CADM2: variants seen among roughly 807,000 people sequenced by gnomAD.
CADM2 encodes immunoglobulin superfamily member 4D.
In CADM2, 12 loss-of-function variants were observed where a neutral mutation model predicts 49.8. The observed-to-expected ratio is 0.24, with a 90% CI of 0.15 to 0.39. CADM2 has a LOEUF of 0.39. Among genes scored for constraint, CADM2 ranks in the 10% least tolerant of loss-of-function variants. The pLI is 1.00. For synonymous variants in CADM2, 214 were observed against 175.4 expected (o/e 1.22, Z -1.74); for missense variants, 378 against 492.3 (o/e 0.77, Z 2.20).
At chr3:85,637,418 A>C (rs1011460904) in intron 1 of CADM2, among the ~76,000 whole-genome samples, 1 of 149,420 alleles carries the variant, frequency 6.7e-6, no homozygotes, top group South Asian at 2.1e-4. Context: ...CTGGCTAACA[A>C]GGTGAAACCC....
At chr3:85,358,167 C>G (rs1293453115) in intron 1 of CADM2, among the ~76,000 whole-genome samples, 1 of 152,050 alleles carries the variant, frequency 6.6e-6, no homozygotes, top group Admixed American at 6.6e-5. Flanking sequence ...GCATCCCTGG[C>G]TTCTACCACC....
At chr3:85,928,734 C>T (rs149504216) in intron 6 of CADM2, among the ~76,000 whole-genome samples, 7 of 152,130 alleles carry the variant, frequency 4.6e-5, no homozygotes, top group African/African-American at 1.7e-4. Context: ...GAATATATGC[C>T]TATCTTTACA....
chr3:85,440,658 A>G (rs2037157263), intron 1 of CADM2, among the ~76,000 whole-genome samples: 1 of 152,150 alleles, frequency 6.6e-6, no homozygotes, highest in Admixed American at 6.6e-5. Flanking sequence ...AAAAGGAACT[A>G]TGTGACTTTT....
At chr3:85,173,025 T>G (rs2040672945) in intron 1 of CADM2, among the ~76,000 whole-genome samples, 1 of 148,908 alleles carries the variant, frequency 6.7e-6, no homozygotes, top group African/African-American at 2.5e-5. Flanking sequence ...GATGGAGTCT[T>G]GCTCTGTCGC....
At chr3:85,700,549 G>A (rs749038206) in intron 1 of CADM2, among the ~76,000 whole-genome samples, 1 of 152,050 alleles carries the variant, frequency 6.6e-6, no homozygotes, top group Non-Finnish European at 1.5e-5. Context: ...ATGAGCATAA[G>A]GTATTAGAAG....
chr3:86,026,851 C>T (rs1441604055), intron 8 of CADM2, among the ~76,000 whole-genome samples: 1 of 152,074 alleles, frequency 6.6e-6, no homozygotes, highest in Non-Finnish European at 1.5e-5. Context: ...TTGGTGTAGA[C>T]ATAAAAATTA....
At chr3:85,673,043 G>C (rs1219562762) in intron 1 of CADM2, among the ~76,000 whole-genome samples, 2 of 152,184 alleles carry the variant, frequency 1.3e-5, no homozygotes, top group Non-Finnish European at 2.9e-5. Context: ...GGTCAGGCTT[G>C]CTGGGACTAA....
At chr3:85,359,406 G>A (rs899406739) in intron 1 of CADM2, among the ~76,000 whole-genome samples, 4 of 151,556 alleles carry the variant, frequency 2.6e-5, no homozygotes, top group South Asian at 4.2e-4. Flanking sequence ...GGGGCAATGT[G>A]TACAGAATGG....
chr3:85,717,834 C>T (rs367850310), intron 1 of CADM2, among the ~76,000 whole-genome samples: 3 of 152,260 alleles, frequency 2.0e-5, no homozygotes, highest in South Asian at 2.1e-4. Flanking sequence ...ATGGCACTAT[C>T]GTGGCTCACT....
At chr3:85,263,851 T>C (rs938608312) in intron 1 of CADM2, among the ~76,000 whole-genome samples, 4 of 152,156 alleles carry the variant, frequency 2.6e-5, no homozygotes, top group Non-Finnish European at 5.9e-5. Context: ...GACTTTCCGT[T>C]TAAATATGCA....
At chr3:85,554,854 T>G (rs1414174975) in intron 1 of CADM2, among the ~76,000 whole-genome samples, 1 of 143,720 alleles carries the variant, frequency 7.0e-6, no homozygotes, top group Non-Finnish European at 1.5e-5. Context: ...CTAATATTTT[T>G]TTATTTGACT....
At chr3:85,010,180 A>G (rs1231843940) in intron 1 of CADM2, among the ~76,000 whole-genome samples, 3 of 152,160 alleles carry the variant, frequency 2.0e-5, no homozygotes, top group Non-Finnish European at 2.9e-5. Context: ...GAGTAATGGG[A>G]AGAATTTTTA....
At chr3:85,162,616 A>G (rs1015906249) in intron 1 of CADM2, among the ~76,000 whole-genome samples, 4 of 152,108 alleles carry the variant, frequency 2.6e-5, no homozygotes, top group African/African-American at 9.7e-5. Context: ...TTTATACAAA[A>G]AGGCTTGTAC....
At chr3:85,129,210 A>AT (rs1318276175) in intron 1 of CADM2, among the ~76,000 whole-genome samples, 1 of 152,072 alleles carries the variant, frequency 6.6e-6, no homozygotes, top group African/African-American at 2.4e-5. Flanking sequence ...TTTCACCTTT[A>AT]TTTTTTTCTA....
chr3:85,630,683 A>T (rs1033646447), intron 1 of CADM2, among the ~76,000 whole-genome samples: 1 of 152,080 alleles, frequency 6.6e-6, no homozygotes, highest in African/African-American at 2.4e-5. Context: ...TAAAATTTGT[A>T]TCAAGAATTA....
chr3:85,904,615 A>T (rs1716544184), intron 5 of CADM2, among the ~76,000 whole-genome samples: 1 of 152,136 alleles, frequency 6.6e-6, no homozygotes, highest in South Asian at 2.1e-4. Flanking sequence ...ATTTTCAGAG[A>T]CCTTAAATAT....
At chr3:85,922,526 T>G (rs1719259031) in intron 6 of CADM2, among the ~76,000 whole-genome samples, 1 of 152,094 alleles carries the variant, frequency 6.6e-6, no homozygotes, top group African/African-American at 2.4e-5. Flanking sequence ...TATCTATTTC[T>G]CTGGCTTTAA....
rs899875700 is a variant in CADM2 at position 85,350,579 on chromosome 3, C to T, written c.62-375943C>T. On this transcript the variant is annotated intron_variant, in intron 1 of 9. Transcript: ENST00000383699. ...AAGTATAACTTGTCTTTTATTTATTCAGTTATTTCATTCAGAAGTTCAGAA... is the reference window on the plus strand; with the variant it reads ...AAGTATAACTTGTCTTTTATTTATTTAGTTATTTCATTCAGAAGTTCAGAA... Among the ~76,000 whole-genome samples, 6 of 151,986 alleles carry T rather than the reference C, an allele frequency of 3.9e-5. No homozygotes were observed. In the East Asian group the frequency reaches 7.7e-4, roughly 20 times the overall value.
chr3:86,066,332 CAAA>C (rs10663610), intron 9 of CADM2, among the ~76,000 whole-genome samples: 154 of 30,338 alleles, frequency 5.1e-3, no homozygotes, highest in Middle Eastern at 0.036. Flanking sequence ...GACTCCGTCT[CAAA>C]AAAAAAAAAA....
Sources: gnomAD v4.1 joint callset for allele counts (sites outside exome capture counted in the v4.1 genomes callset) on GRCh38, gnomAD v4.1.1 for gene constraint, MANE v1.5 for transcripts, NCBI Gene and HGNC (gene_info 2026-07-23, HGNC 2026-07-21) for gene names.